MICU1: variants seen among roughly 807,000 people sequenced by gnomAD.
MICU1 encodes the protein calcium uptake protein 1, mitochondrial.
Under a neutral mutation model 56.8 loss-of-function variants are expected in MICU1, and 45 were observed. The observed-to-expected ratio is 0.79, with a 90% CI of 0.62 to 1.02. MICU1 has a LOEUF of 1.02. MICU1 is among the 50% of genes least tolerant of loss of function. MICU1 has a pLI of 0.00. For synonymous variants in MICU1, 186 were observed against 195.1 expected, an observed-to-expected ratio of 0.95 and a Z score of 0.39; for missense variants, 504 against 587.1, an observed-to-expected ratio of 0.86 and a Z score of 1.46.
chr10:72,540,657 G>C (rs1035620152), intron 4 of MICU1, among the ~76,000 whole-genome samples: 1 of 152,160 alleles, frequency 6.6e-6, no homozygotes, highest in Non-Finnish European at 1.5e-5. Context: ...CTGGGCAACA[G>C]AGCAAGACCC....
rs186393655 is a variant in MICU1 at position 72,600,064 on chromosome 10, G to A, written c.-2+25946C>T. The stretch of plus-strand genomic sequence containing the variant: ...CCCACCACTTTGGGAGGCTGAGGCC[G>A]GTGGATCACCTGAGGTCAGGAGTTC... On this transcript the variant is annotated intron_variant, in intron 1 of 11. Coordinates refer to ENST00000361114, the MANE Select transcript of MICU1 (RefSeq NM_001195518.2). Among the ~76,000 whole-genome samples, 746 of 151,620 alleles carry A rather than the reference G, an allele frequency of 4.9e-3. 1 individual carries two copies. The highest frequency in any genetic ancestry group is 8.0e-3 in the Non-Finnish European group (540 of 67,866).
intron 11 of MICU1, among the ~76,000 whole-genome samples, chr10:72,373,735 T>A (rs76619956): frequency 6.6e-6 from 1 of 152,122 alleles, no homozygotes; most frequent in African/African-American, 2.4e-5. Flanking sequence ...ACAGACCAGG[T>A]CTTGGATATT....
At chr10:72,421,238 TTTTC>T (rs916532091) in intron 9 of MICU1, among the ~76,000 whole-genome samples, 3 of 151,582 alleles carry the variant, frequency 2.0e-5, no homozygotes, top group Admixed American at 6.6e-5. Flanking sequence ...TCCTATCATC[TTTTC>T]TTTCTTTCTT....
chr10:72,421,734 G>C (rs892516898), intron 9 of MICU1, among the ~76,000 whole-genome samples: 1 of 152,138 alleles, frequency 6.6e-6, no homozygotes, highest in East Asian at 1.9e-4. Flanking sequence ...CAGTCTTTTT[G>C]TTTCTATGCT....
intron 2 of MICU1, 25 bp from the exon 3 acceptor site, chr10:72,563,088 G>A: frequency 6.8e-7 from 1 of 1,475,312 alleles, no homozygotes; most frequent in Non-Finnish European, 9.0e-7. Flanking sequence ...AAGAAATCTA[G>A]ATTAATCTTG....
chr10:72,588,849 G>T (rs1472630716), intron 1 of MICU1, among the ~76,000 whole-genome samples: 1 of 152,148 alleles, frequency 6.6e-6, no homozygotes, highest in Admixed American at 6.5e-5. Context: ...CCCCTTGGGG[G>T]AAAAATCAGT....
intron 10 of MICU1, among the ~76,000 whole-genome samples, chr10:72,376,673 T>C (rs763207517): frequency 1.3e-5 from 2 of 152,078 alleles, no homozygotes; most frequent in South Asian, 4.1e-4. Flanking sequence ...ATTCAATTTA[T>C]AGACAGAAAG....
intron 8 of MICU1, among the ~76,000 whole-genome samples, chr10:72,461,100 T>C (rs1865626348): frequency 6.6e-6 from 1 of 152,138 alleles, no homozygotes; most frequent in Admixed American, 6.5e-5. Context: ...AACTTTCTCT[T>C]GTCTTGTCTT....
chr10:72,570,592 C>A (rs1840583884), intron 1 of MICU1, among the ~76,000 whole-genome samples: 1 of 152,194 alleles, frequency 6.6e-6, no homozygotes, highest in Admixed American at 6.5e-5. Flanking sequence ...TCCCTGGGAC[C>A]TATACCTATA....
intron 4 of MICU1, among the ~76,000 whole-genome samples, chr10:72,542,503 A>T (rs1188368826): frequency 6.6e-6 from 1 of 152,194 alleles, no homozygotes; most frequent in Non-Finnish European, 1.5e-5. Context: ...CAAGTGCAGG[A>T]ACCAGAGCAA....
intron 10 of MICU1, among the ~76,000 whole-genome samples, chr10:72,398,957 C>T: frequency 6.6e-6 from 1 of 152,070 alleles, no homozygotes; most frequent in Non-Finnish European, 1.5e-5. Flanking sequence ...GCCAACATCA[C>T]CCTGATACCA....
intron 10 of MICU1, among the ~76,000 whole-genome samples, chr10:72,406,784 G>A (rs1389651730): frequency 6.6e-6 from 1 of 151,718 alleles, no homozygotes; most frequent in Non-Finnish European, 1.5e-5. Context: ...ACACCACCAC[G>A]CCTGGCTAAT....
At chr10:72,603,371 A>G (rs1489469927) in intron 1 of MICU1, among the ~76,000 whole-genome samples, 1 of 145,558 alleles carries the variant, frequency 6.9e-6, no homozygotes, top group Non-Finnish European at 1.5e-5. Flanking sequence ...TGGGCAACAG[A>G]GCAAGACTCT....
intron 6 of MICU1, among the ~76,000 whole-genome samples, chr10:72,507,291 T>A (rs561437745): frequency 1.3e-5 from 2 of 152,232 alleles, no homozygotes; most frequent in African/African-American, 4.8e-5. Context: ...TTTTTCTGAA[T>A]GGTTAAAAAA....
chr10:72,623,814 G>C (rs1589400878), intron 1 of MICU1, among the ~76,000 whole-genome samples: 1 of 152,034 alleles, frequency 6.6e-6, no homozygotes, highest in African/African-American at 2.4e-5. Flanking sequence ...ACTCCAGCCT[G>C]GGCAACAGAA....
chr10:72,595,474 A>AAAAAAG (rs1841354436), intron 1 of MICU1, among the ~76,000 whole-genome samples: 1 of 41,306 alleles, frequency 2.4e-5, no homozygotes, highest in Non-Finnish European at 6.4e-5. Context: ...AGAAAAAAAG[A>AAAAAAG]AAAAAAAAAA....
At chr10:72,569,224 TATATATATATA>T (rs1840531945) in intron 1 of MICU1, among the ~76,000 whole-genome samples, 3 of 46,402 alleles carry the variant, frequency 6.5e-5, no homozygotes, top group African/African-American at 1.8e-4. Flanking sequence ...TATATATATA[TATATATATATA>T]TATTTTTTTT....
At chr10:72,528,247 G>A (rs1868021027) in intron 5 of MICU1, among the ~76,000 whole-genome samples, 2 of 152,296 alleles carry the variant, frequency 1.3e-5, no homozygotes, top group South Asian at 4.1e-4. Context: ...TATCTGTGAG[G>A]AACTTCTGGC....
chr10:72,475,118 A>G lies in MICU1; in HGVS notation c.915T>C (p.His305=). 6.2e-7 allele frequency: 1 copy of G among 1,610,018 alleles called. No homozygotes were observed. The highest frequency in any genetic ancestry group is 8.5e-7 in the Non-Finnish European group (1 of 1,178,112). ...NFLEFQRKLQ[H]DVLKLEFERH... is the part of the protein sequence containing the mutation. ...GACCTACCTCAAGCTTCAGAACATC[A>G]TGCTGCAGTTTACGCTGAAATTCGA... Residue 305 remains histidine (H), a synonymous_variant, in exon 8 of 12, where the codon CAT becomes CAC. Transcript: ENST00000361114.
Sources: gnomAD v4.1 joint callset for allele counts (sites outside exome capture counted in the v4.1 genomes callset) on GRCh38, gnomAD v4.1.1 for gene constraint, MANE v1.5 for transcripts, NCBI Gene and HGNC (gene_info 2026-07-23, HGNC 2026-07-21) for gene names.